LRRIQ4: variants seen among roughly 807,000 people sequenced by gnomAD.
LRRIQ4 encodes the protein leucine rich repeats and IQ motif containing 4.
Under a neutral mutation model 40.1 loss-of-function variants are expected in LRRIQ4, and 21 were observed. That is an observed-to-expected ratio of 0.52 (90% CI 0.37 to 0.75). LRRIQ4 has a LOEUF of 0.75. LRRIQ4 is among the 30% of genes least tolerant of loss of function. The pLI, the probability that LRRIQ4 is intolerant of heterozygous loss-of-function variation, is 0.00. For missense variants in LRRIQ4, 655 were observed against 660.0 expected (o/e 0.99, Z 0.08); for synonymous variants, 277 against 277.1 (o/e 1.00, Z 0.00).
At chr3:169,836,232 G>A (rs531897347) in intron 5 of LRRIQ4, among the ~76,000 whole-genome samples, 177 of 152,048 alleles carry the variant, frequency 1.2e-3, no homozygotes, top group African/African-American at 4.1e-3. Context: ...TGCCAGTAGT[G>A]TGTGGAGGTG....
chr3:169,829,791 G>A (rs1031662512), intron 3 of LRRIQ4, among the ~76,000 whole-genome samples: 22 of 152,222 alleles, frequency 1.4e-4, no homozygotes, highest in African/African-American at 3.9e-4. Context: ...ATAAACCACC[G>A]TGTCTGACCT....
At chr3:169,833,270 C>A in intron 5 of LRRIQ4, 87 bp downstream of exon 5, 1 of 1,099,438 alleles carries the variant, frequency 9.1e-7, no homozygotes, top group East Asian at 2.6e-5. Flanking sequence ...GGAGCAACTC[C>A]TTACACCCTT....
chr3:169,830,377 G>GA (rs56795981), intron 3 of LRRIQ4, 115 bp from the exon 4 acceptor site: 3,075 of 106,360 alleles, frequency 0.029, 824 homozygotes, highest in Admixed American at 0.041. Context: ...CACTGAAAGT[G>GA]AAAAAAAAAA....
Position 169,828,777 on chromosome 3 carries a change from T to C in LRRIQ4, c.1039T>C (p.Ser347Pro). 1 of 1,612,518 alleles carries C rather than the reference T, an allele frequency of 6.2e-7. No individual in the cohort carries two copies. The highest frequency in any genetic ancestry group is 8.5e-7 in the Non-Finnish European group (1 of 1,179,584). Residue 347 changes from serine (S) to proline (P), a missense_variant, in exon 3 of 6, where the codon TCA becomes CCA. Ser to Pro is a moderately conservative substitution (Grantham distance 74). Coordinates refer to ENST00000340806, the MANE Select transcript of LRRIQ4 (RefSeq NM_001080460.3). The part of the protein sequence containing the change: ...KIGQLPSELG[S>P]LSKLKILGLT... Reference sequence around the variant, plus strand: ...CTTCTAGTTACCTTCAGAATTGGGCTCACTTTCAAAACTGAAGATACTTGG... The same window carrying C: ...CTTCTAGTTACCTTCAGAATTGGGCCCACTTTCAAAACTGAAGATACTTGG...
At chr3:169,823,964 G>C (rs1231949964) in intron 2 of LRRIQ4, among the ~76,000 whole-genome samples, 1 of 152,124 alleles carries the variant, frequency 6.6e-6, no homozygotes, top group Non-Finnish European at 1.5e-5. Context: ...AATATGGATA[G>C]ATCTCAGTAT....
chr3:169,837,118 C>T (rs1024158114), intron 5 of LRRIQ4, among the ~76,000 whole-genome samples: 1 of 152,156 alleles, frequency 6.6e-6, no homozygotes, highest in African/African-American at 2.4e-5. Context: ...GATCCCCTCA[C>T]CATGTGCGGT....
At chr3:169,828,548 C>G (rs1217251339) in intron 2 of LRRIQ4, among the ~76,000 whole-genome samples, 2 of 152,132 alleles carry the variant, frequency 1.3e-5, no homozygotes, top group Non-Finnish European at 2.9e-5. Context: ...AAAATTGCTC[C>G]AGTTTAAAGT....
At chr3:169,821,743 A>G (rs982519051) in intron 1 of LRRIQ4, among the ~76,000 whole-genome samples, 148 bp from the exon 2 acceptor site, 1 of 152,154 alleles carries the variant, frequency 6.6e-6, no homozygotes, top group African/African-American at 2.4e-5. Flanking sequence ...TTCTTCTAAC[A>G]TGAAATGCAA....
chr3:169,813,290 A>G (rs1779673539), intron 1 of LRRIQ4, among the ~76,000 whole-genome samples: 2 of 152,220 alleles, frequency 1.3e-5, no homozygotes, highest in Non-Finnish European at 2.9e-5. Context: ...CAAGAAAGAA[A>G]TGTGACTACT....
intron 4 of LRRIQ4, among the ~76,000 whole-genome samples, chr3:169,831,176 G>A (rs755741161): frequency 6.7e-6 from 1 of 148,862 alleles, no homozygotes; most frequent in Non-Finnish European, 1.5e-5. Context: ...CTTTTGCTGA[G>A]CACCCACTGG....
chr3:169,837,314 T>C (rs1358625846), intron 5 of LRRIQ4, among the ~76,000 whole-genome samples, 165 bp from the exon 6 acceptor site: 1 of 152,234 alleles, frequency 6.6e-6, no homozygotes, highest in African/African-American at 2.4e-5. Flanking sequence ...AAAATTTGTC[T>C]GAATGCCTAG....
At chr3:169,821,093 G>A (rs571520690) in intron 1 of LRRIQ4, among the ~76,000 whole-genome samples, 3 of 152,312 alleles carry the variant, frequency 2.0e-5, no homozygotes, top group Non-Finnish European at 4.4e-5. Flanking sequence ...GCATGAGAGG[G>A]TCTACTCACG....
rs139528485 is a variant in LRRIQ4, at chr3:169,834,865, C to T, written c.1530+1682C>T. The stretch of plus-strand genomic sequence containing the variant: ...TTTTAAAAATTTAAAAATGTATATA[C>T]ATTACAACTATTAGTATAAAATCAC... On this transcript the variant is annotated intron_variant, in intron 5 of 5. Coordinates refer to ENST00000340806, the MANE Select transcript of LRRIQ4 (RefSeq NM_001080460.3). 6.9e-3 allele frequency among the ~76,000 whole-genome samples: 1,048 copies of T among 151,284 alleles called. 16 individuals carry two copies. Among genetic ancestry groups the T allele is most frequent in the African/African-American group, 0.024 (974 of 41,406 alleles).
chr3:169,835,033 A>C (rs1283831139), intron 5 of LRRIQ4, among the ~76,000 whole-genome samples: 1 of 152,146 alleles, frequency 6.6e-6, no homozygotes, highest in African/African-American at 2.4e-5. Flanking sequence ...AGAATAACAC[A>C]GGGTTGATTA....
At chr3:169,827,294 G>A (rs923586334) in intron 2 of LRRIQ4, among the ~76,000 whole-genome samples, 2 of 152,078 alleles carry the variant, frequency 1.3e-5, no homozygotes, top group African/African-American at 2.4e-5. Context: ...TCAATAGGGT[G>A]ATTGTCACAT....
At chr3:169,835,944 T>G (rs866453937) in intron 5 of LRRIQ4, among the ~76,000 whole-genome samples, 1 of 152,186 alleles carries the variant, frequency 6.6e-6, no homozygotes, top group African/African-American at 2.4e-5. Flanking sequence ...CAGAGAGCCC[T>G]TCCTTGATCC....
At chr3:169,821,732 A>G in intron 1 of LRRIQ4, among the ~76,000 whole-genome samples, 159 bp from the exon 2 acceptor site, 1 of 152,024 alleles carries the variant, frequency 6.6e-6, no homozygotes, top group African/African-American at 2.4e-5. Context: ...CTACACTTTA[A>G]TTCTTCTAAC....
At chr3:169,834,512 C>T (rs964204226) in intron 5 of LRRIQ4, among the ~76,000 whole-genome samples, 2 of 152,064 alleles carry the variant, frequency 1.3e-5, no homozygotes, top group Non-Finnish European at 2.9e-5. Flanking sequence ...ACATTGTTGG[C>T]CACAAGTTTA....
rs1044304973 is a variant in LRRIQ4, at chr3:169,823,026, T to C, written c.1020+85T>C. ...TTGGTTCTGTATCTAAACAGCAAATTTGAACTGACTTTATGGGCGAAAATC... is the reference window on the plus strand; with the variant it reads ...TTGGTTCTGTATCTAAACAGCAAATCTGAACTGACTTTATGGGCGAAAATC... On this transcript the variant is annotated intron_variant, in intron 2 of 5. Transcript: ENST00000340806. The C allele has an allele frequency of 3.4e-6, 4 of 1,160,110 alleles. No individual in the cohort carries two copies. In the African/African-American group the frequency reaches 4.7e-5, roughly 14 times the overall value. The allele number at this position is 1,160,110 out of a possible 1,614,324, so 71.9% of individuals were successfully genotyped here.
Sources: gnomAD v4.1 joint callset for allele counts (sites outside exome capture counted in the v4.1 genomes callset) on GRCh38, gnomAD v4.1.1 for gene constraint, MANE v1.5 for transcripts, NCBI Gene and HGNC (gene_info 2026-07-23, HGNC 2026-07-21) for gene names.